The following SLC27A2 variants were observed in gnomAD, a reference collection of about 807,000 sequenced individuals.
SLC27A2 encodes the protein solute carrier family 27 member 2.
A neutral mutation model predicts 60.0 loss-of-function variants in SLC27A2; 54 were observed. That is an observed-to-expected ratio of 0.90 (90% CI 0.72 to 1.13). The LOEUF is 1.13. Ranked by LOEUF, SLC27A2 falls within the 50% of genes most tolerant of loss-of-function variation. SLC27A2 has a pLI of 0.00. For missense variants in SLC27A2, 739 were observed against 777.6 expected (o/e 0.95, Z 0.59); for synonymous variants, 297 against 297.6 (o/e 1.00, Z 0.02).
intron 1 of SLC27A2, among the ~76,000 whole-genome samples, chr15:50,188,658 C>G (rs930918129): frequency 1.3e-5 from 2 of 152,150 alleles, no homozygotes; most frequent in Non-Finnish European, 2.9e-5. Context: ...AGTAGGCAGG[C>G]AGTCAATAAG....
intron 4 of SLC27A2, among the ~76,000 whole-genome samples, chr15:50,208,109 G>A (rs1242674477): frequency 6.6e-6 from 1 of 152,178 alleles, no homozygotes; most frequent in Non-Finnish European, 1.5e-5. Context: ...ATGCCAGGGA[G>A]GCAACCTCTG....
chr15:50,182,911 C>T lies in SLC27A2; in HGVS notation c.478+6C>T, dbSNP rs769464291. 1 of 1,595,550 alleles carries T rather than the reference C, an allele frequency of 6.3e-7. No individual in the cohort carries two copies. Among genetic ancestry groups the T allele is most frequent in the South Asian group, 1.1e-5 (1 of 89,124 alleles). ...GGTGCTGCTGGTGTCGCCAGGTGAG[C>T]CCCGAGGATCGCCCTGCCCTGGCAC... On this transcript the variant is annotated splice_donor_region_variant and intron_variant, in intron 1 of 9. Transcript: ENST00000267842.
At chr15:50,223,848 C>T (rs1184020712) in intron 5 of SLC27A2, among the ~76,000 whole-genome samples, 1 of 152,210 alleles carries the variant, frequency 6.6e-6, no homozygotes, top group African/African-American at 2.4e-5. Context: ...GAAGTCACTG[C>T]GGTCATTGTG....
intron 3 of SLC27A2, 35 bp downstream of exon 3, chr15:50,202,680 C>T (rs1332846226): frequency 1.2e-6 from 2 of 1,601,336 alleles, no homozygotes; most frequent in African/African-American, 1.3e-5. Flanking sequence ...GAGGCGAGTG[C>T]ACATTTACAT....
At chr15:50,197,468 GTTTGT>G (rs2045032450) in intron 1 of SLC27A2, 27 bp from the exon 2 acceptor site, 11 of 1,523,652 alleles carry the variant, frequency 7.2e-6, no homozygotes, top group Middle Eastern at 1.7e-4. Context: ...GACTGATTTA[GTTTGT>G]TTTGATATTT....
At chr15:50,185,922 C>T (rs1413065023) in intron 1 of SLC27A2, among the ~76,000 whole-genome samples, 1 of 151,764 alleles carries the variant, frequency 6.6e-6, no homozygotes. Context: ...AGCCACCACG[C>T]CTGGCCGGAA....
intron 4 of SLC27A2, chr15:50,222,074 C>T (rs1181595541): frequency 6.6e-6 from 1 of 152,234 alleles, no homozygotes; most frequent in Non-Finnish European, 1.5e-5. Context: ...TCCTAAATGA[C>T]TGTGGTTGAA....
intron 1 of SLC27A2, chr15:50,190,910 C>A (rs1318432075): frequency 6.6e-6 from 1 of 152,182 alleles, no homozygotes; most frequent in Non-Finnish European, 1.5e-5. Context: ...AAGAAAAGAT[C>A]ATCCATGTTA....
At chr15:50,223,363 A>G (rs956798232) in intron 5 of SLC27A2, among the ~76,000 whole-genome samples, 3 of 152,214 alleles carry the variant, frequency 2.0e-5, no homozygotes, top group African/African-American at 7.2e-5. Flanking sequence ...CTCAACTTCT[A>G]TTAAGAACAA....
chr15:50,184,849 A>G (rs76059350), intron 1 of SLC27A2, among the ~76,000 whole-genome samples: 1 of 152,002 alleles, frequency 6.6e-6, no homozygotes, highest in African/African-American at 2.4e-5. Flanking sequence ...AAAACAGAAT[A>G]AAAAAAAGAC....
Position 50,203,020 on chromosome 15 carries a change from A to AATATAT in SLC27A2, c.847+391_847+396dup, listed in dbSNP as rs1555500674. Among the ~76,000 whole-genome samples the AATATAT allele has an allele frequency of 2.7e-5, 4 of 147,796 alleles. No individual in the cohort carries two copies. In the East Asian group the frequency reaches 5.9e-4, roughly 22 times the overall value. ...CATAGCAAACCTCATCTCTAAAAAA[A>AATATAT]ATATATATATATATATATATAGCCA... On this transcript the variant is annotated intron_variant, in intron 3 of 9. Coordinates refer to ENST00000267842, the MANE Select transcript of SLC27A2 (RefSeq NM_003645.4).
chr15:50,182,754 C>A lies in SLC27A2; in HGVS notation c.327C>A (p.Leu109=). 6.2e-7 allele frequency: 1 copy of A among 1,613,922 alleles called. No homozygotes were observed. The highest frequency in any genetic ancestry group is 1.6e-4 in the Middle Eastern group (1 of 6,062). ...TGCGCCAGGGAGACTGCGTGGCGCT[C>A]CTTATGGGTAACGAGCCGGCCTACG... is the stretch of plus-strand genomic sequence containing the variant. The part of the protein sequence containing the change: ...LGLRQGDCVA[L]LMGNEPAYVW... The change falls in exon 1 of 10, where the codon CTC becomes CTA. Residue 109 remains leucine, a synonymous_variant. Coordinates refer to ENST00000267842, the MANE Select transcript of SLC27A2 (RefSeq NM_003645.4).
In SLC27A2 at chr15:50,182,615, C is replaced by T. The variant is rs146217804; in HGVS notation, c.188C>T (p.Ala63Val). 37 of 1,613,692 alleles carry T rather than the reference C, an allele frequency of 2.3e-5. No individual in the cohort carries two copies. The African/African-American group carries it at 4.7e-4, about 20-fold the overall frequency. ...ATCCTGCGGGCGTTCCTGGAGAAAG[C>T]GCGCCAGACGCCACACAAGCCTTTT... ...RTILRAFLEK[A>V]RQTPHKPFLL... The change falls in exon 1 of 10, where the codon GCG becomes GTG. Residue 63 changes from alanine (A) to valine (V), a missense_variant. Transcript: ENST00000267842.
chr15:50,188,996 T>C (rs1307356464), intron 1 of SLC27A2, among the ~76,000 whole-genome samples: 2 of 150,862 alleles, frequency 1.3e-5, no homozygotes, highest in Non-Finnish European at 2.9e-5. Flanking sequence ...GATAGATAGA[T>C]AGATAGATAG....
chr15:50,205,465 T>C, intron 4 of SLC27A2, 102 bp downstream of exon 4: 1 of 1,212,650 alleles, frequency 8.2e-7, no homozygotes, highest in South Asian at 1.8e-5. Flanking sequence ...TATATCAGTT[T>C]TGAGTTTAGG....
chr15:50,234,262 G>T (rs541805421), intron 9 of SLC27A2, among the ~76,000 whole-genome samples: 103 of 152,154 alleles, frequency 6.8e-4, no homozygotes, highest in African/African-American at 2.5e-3. Flanking sequence ...CCTAGGCAAC[G>T]TAGTGAGACT....
At chr15:50,196,069 AAAAAAAAAATATATATATATATAT>A (rs1324653652) in intron 1 of SLC27A2, among the ~76,000 whole-genome samples, 25 of 26,952 alleles carry the variant, frequency 9.3e-4, no homozygotes, top group African/African-American at 2.4e-3. Flanking sequence ...AAAAAAAAAA[AAAAAAAAAATATATATATATATAT>A]ATATATATAT....
intron 8 of SLC27A2, among the ~76,000 whole-genome samples, chr15:50,231,181 G>A (rs111731484): frequency 0.13 from 17,693 of 138,522 alleles, 1,096 homozygotes; most frequent in Middle Eastern, 0.21. Context: ...TTTCGCTCTC[G>A]TTGCCCAGGC....
intron 5 of SLC27A2, 80 bp from the exon 6 acceptor site, chr15:50,225,908 G>A: frequency 1.0e-6 from 1 of 963,122 alleles, no homozygotes; most frequent in Non-Finnish European, 1.6e-6. Context: ...GTACGCCTAA[G>A]ATATACTTTG....
Sources: gnomAD v4.1 joint callset for allele counts (sites outside exome capture counted in the v4.1 genomes callset) on GRCh38, gnomAD v4.1.1 for gene constraint, MANE v1.5 for transcripts, NCBI Gene and HGNC (gene_info 2026-07-23, HGNC 2026-07-21) for gene names.